The following MSRB3 variants were observed in gnomAD, a reference collection of about 807,000 sequenced individuals.
The protein encoded by MSRB3 is methionine-R-sulfoxide reductase B3.
A neutral mutation model predicts 21.0 loss-of-function variants in MSRB3; 13 were observed. That is an observed-to-expected ratio of 0.62 (90% confidence interval 0.40 to 0.98). The LOEUF (loss-of-function observed/expected upper bound fraction) is 0.98, where lower values mean the gene tolerates loss of function less well. MSRB3 is among the 50% of genes least tolerant of loss of function. The pLI is 0.00. For synonymous variants in MSRB3, 87 were observed against 88.6 expected, an observed-to-expected ratio of 0.98 and a Z score of 0.10; for missense variants, 199 against 230.3, an observed-to-expected ratio of 0.86 and a Z score of 0.88.
At chr12:65,401,718 A>T (rs1880135746) in intron 5 of MSRB3, among the ~76,000 whole-genome samples, 2 of 152,088 alleles carry the variant, frequency 1.3e-5, no homozygotes, top group African/African-American at 4.8e-5. Flanking sequence ...TGGTCTTTAC[A>T]ATTTGGTATG....
At chr12:65,317,132 CCT>C (rs1304716437) in intron 2 of MSRB3, among the ~76,000 whole-genome samples, 1 of 152,000 alleles carries the variant, frequency 6.6e-6, no homozygotes, top group African/African-American at 2.4e-5. Flanking sequence ...TTTTTTGGGC[CCT>C]GATTTCCTTT....
At chr12:65,288,832 A>G (rs1437204639) in intron 1 of MSRB3, among the ~76,000 whole-genome samples, 2 of 152,216 alleles carry the variant, frequency 1.3e-5, no homozygotes, top group Non-Finnish European at 2.9e-5. Context: ...CTTCACTGTG[A>G]GTTTTAAAGA....
chr12:65,455,682 T>C (rs961781142), intron 6 of MSRB3, among the ~76,000 whole-genome samples: 3 of 152,172 alleles, frequency 2.0e-5, no homozygotes, highest in Middle Eastern at 3.2e-3. Flanking sequence ...AAAAGAGTCA[T>C]TAAAATTTAA....
At chr12:65,320,019 TA>T (rs1351471726) in intron 2 of MSRB3, among the ~76,000 whole-genome samples, 3 of 152,214 alleles carry the variant, frequency 2.0e-5, no homozygotes, top group African/African-American at 7.2e-5. Context: ...TGGTCTTGTT[TA>T]ATTCAAGAAG....
At chr12:65,404,732 T>A (rs10467143) in intron 5 of MSRB3, among the ~76,000 whole-genome samples, 99,438 of 152,038 alleles carry the variant, frequency 0.65, 32,654 homozygotes, top group Admixed American at 0.72. Flanking sequence ...CAAGCTAATT[T>A]ATATATACAT....
intron 5 of MSRB3, among the ~76,000 whole-genome samples, chr12:65,403,057 G>A (rs1344680665): frequency 2.0e-5 from 3 of 152,216 alleles, no homozygotes; most frequent in Non-Finnish European, 2.9e-5. Context: ...GCTAAGAAGT[G>A]TCTCCCAGTC....
At chr12:65,321,176 GTA>G (rs1332441021) in intron 2 of MSRB3, among the ~76,000 whole-genome samples, 1 of 151,954 alleles carries the variant, frequency 6.6e-6, no homozygotes, top group Non-Finnish European at 1.5e-5. Flanking sequence ...TATTTTCATT[GTA>G]GTTTGTCTGT....
rs775514746 is a variant in MSRB3 at position 65,328,517 on chromosome 12, A to G, written c.186-9A>G. ...CTTTAATTTTTTAAATGATCTGTTT[A>G]TTTATCAGTGCCTTTGAAGGAGAAT... On this transcript the variant is annotated splice_polypyrimidine_tract_variant and intron_variant, in intron 3 of 6. Transcript: ENST00000308259. The G allele has an allele frequency of 1.3e-6, 2 of 1,587,644 alleles. No individual in the cohort carries two copies. Among genetic ancestry groups the G allele is most frequent in the African/African-American group, 1.3e-5 (1 of 74,514 alleles).
Position 65,463,502 on chromosome 12 carries a change from AG to A in MSRB3, c.*181del. The A allele has an allele frequency of 1.4e-6, 1 of 707,164 alleles. No individual in the cohort carries two copies. Among genetic ancestry groups the A allele is most frequent in the Non-Finnish European group, 2.3e-6 (1 of 437,436 alleles). 43.8% of individuals were successfully genotyped at this position (707,164 alleles called of 1,614,324 possible). ...CCATCCATGTATTTTGCAATTGACT[AG>A]ATCAAGAACTGTTTATAGCTTTAGC... On this transcript the variant is annotated 3_prime_UTR_variant, in exon 7 of 7. Coordinates refer to ENST00000308259, the MANE Select transcript of MSRB3 (RefSeq NM_001031679.3).
chr12:65,410,478 C>CA (rs1370175603), intron 5 of MSRB3, among the ~76,000 whole-genome samples: 3 of 151,992 alleles, frequency 2.0e-5, no homozygotes, highest in South Asian at 2.1e-4. Context: ...CCTGTCTCTA[C>CA]AAAAAAATAC....
At chr12:65,449,370 T>G (rs1882762880) in intron 5 of MSRB3, among the ~76,000 whole-genome samples, 1 of 151,850 alleles carries the variant, frequency 6.6e-6, no homozygotes, top group Non-Finnish European at 1.5e-5. Flanking sequence ...ACATAGAGAG[T>G]TGGATTATTT....
intron 5 of MSRB3, among the ~76,000 whole-genome samples, chr12:65,452,913 A>G (rs566955849): frequency 3.3e-5 from 5 of 152,324 alleles, no homozygotes; most frequent in Non-Finnish European, 5.9e-5. Context: ...GTAACTCCAG[A>G]CATATTTTGG....
intron 1 of MSRB3, among the ~76,000 whole-genome samples, chr12:65,308,132 C>T (rs76665660): frequency 0.051 from 7,702 of 152,176 alleles, 306 homozygotes; most frequent in Non-Finnish European, 0.066. Flanking sequence ...TCTTCACATA[C>T]GTATTGGGGC....
At chr12:65,317,445 C>T (rs536889014) in intron 2 of MSRB3, among the ~76,000 whole-genome samples, 1 of 152,240 alleles carries the variant, frequency 6.6e-6, no homozygotes, top group Non-Finnish European at 1.5e-5. Context: ...TGCACATCAG[C>T]ATAAGAAAAT....
intron 5 of MSRB3, among the ~76,000 whole-genome samples, chr12:65,426,489 T>G (rs1881606669): frequency 6.6e-6 from 1 of 152,218 alleles, no homozygotes; most frequent in Non-Finnish European, 1.5e-5. Context: ...TGTCTTTAAT[T>G]TTTGACAGTT....
intron 5 of MSRB3, among the ~76,000 whole-genome samples, chr12:65,388,772 G>A (rs1329650377): frequency 6.6e-6 from 1 of 152,130 alleles, no homozygotes; most frequent in Non-Finnish European, 1.5e-5. Context: ...TCAGAAGGCT[G>A]AGGTGGGAGG....
At chr12:65,316,280 T>TATTAC (rs1874290970) in intron 2 of MSRB3, 3 of 151,988 alleles carry the variant, frequency 2.0e-5, no homozygotes, top group Admixed American at 2.0e-4. Context: ...TATTATATTA[T>TATTAC]ATTACATATT....
chr12:65,372,960 A>G (rs1485339244), intron 5 of MSRB3, among the ~76,000 whole-genome samples: 3 of 152,238 alleles, frequency 2.0e-5, no homozygotes, highest in African/African-American at 7.2e-5. Context: ...CTTTCAATCC[A>G]CTGCTAACTA....
chr12:65,330,305 G>A (rs1875326633), intron 4 of MSRB3, among the ~76,000 whole-genome samples: 1 of 152,210 alleles, frequency 6.6e-6, no homozygotes, highest in Admixed American at 6.5e-5. Context: ...TTTCACATTT[G>A]ATGTGATATT....
Sources: gnomAD v4.1 joint callset for allele counts (sites outside exome capture counted in the v4.1 genomes callset) on GRCh38, gnomAD v4.1.1 for gene constraint, MANE v1.5 for transcripts, NCBI Gene and HGNC (gene_info 2026-07-23, HGNC 2026-07-21) for gene names.